Variants in PLXNA1 observed in about 807,000 individuals in gnomAD.
The protein encoded by PLXNA1 is plexin-A1.
A neutral mutation model predicts 191.7 loss-of-function variants in PLXNA1; 77 were observed. The observed-to-expected ratio is 0.40, with a 90% CI of 0.33 to 0.49. PLXNA1 has a LOEUF of 0.49. PLXNA1 is among the 20% of genes least tolerant of loss of function. The pLI is 0.63. For missense variants in PLXNA1, 2,110 were observed against 2,660.2 expected, an observed-to-expected ratio of 0.79 and a Z score of 4.55; for synonymous variants, 1,137 against 1,156.4, an observed-to-expected ratio of 0.98 and a Z score of 0.34.
chr3:126,989,852 G>A, intron 2 of PLXNA1, 65 bp downstream of exon 2: 2 of 1,352,520 alleles, frequency 1.5e-6, no homozygotes, highest in South Asian at 1.3e-5. Flanking sequence ...CGGCATCGGT[G>A]TCAGATGCAC....
At chr3:127,006,311 T>C (rs535430793) in intron 8 of PLXNA1, 133 bp downstream of exon 8, 51 of 721,456 alleles carry the variant, frequency 7.1e-5, no homozygotes, top group South Asian at 1.3e-4. Context: ...GATTCCATGA[T>C]TGGGGCTCCT....
chr3:127,009,846 AG>A (rs1056436759), intron 9 of PLXNA1, among the ~76,000 whole-genome samples: 5 of 152,200 alleles, frequency 3.3e-5, no homozygotes, highest in Admixed American at 6.5e-5. Context: ...GCTGTGTGCC[AG>A]GGCCTAAGGG....
intron 21 of PLXNA1, 110 bp from the exon 22 acceptor site, chr3:127,021,975 C>T: frequency 6.8e-7 from 1 of 1,474,092 alleles, no homozygotes; most frequent in Non-Finnish European, 9.1e-7. Flanking sequence ...CAGGCCTGTC[C>T]TCTGATGGGG....
At chr3:127,030,497 G>A (rs559886783) in intron 29 of PLXNA1, 85 bp downstream of exon 29, 1 of 1,518,958 alleles carries the variant, frequency 6.6e-7, no homozygotes, top group South Asian at 1.2e-5. Context: ...CTGATCCGGA[G>A]CCCCCACTTG....
At position 127,014,648 on chromosome 3, in the gene PLXNA1, G is replaced by A. The variant is rs780579284; in HGVS notation, c.2756+19G>A. 1.2e-6 allele frequency: 2 copies of A among 1,612,382 alleles called. No homozygotes were observed. The highest frequency in any genetic ancestry group is 1.3e-5 in the African/African-American group (1 of 74,924). On this transcript the variant is annotated intron_variant, in intron 13 of 31. Coordinates refer to ENST00000393409, the MANE Select transcript of PLXNA1 (RefSeq NM_032242.4). ...CGGAGCAGTGAGTGCAGCCCTGGGT[G>A]TGTGCGGGGCGGGACGGGACGGGGC...
chr3:127,018,214 T>G lies in PLXNA1; in HGVS notation c.3661-80T>G, dbSNP rs1576685133. ...CTTTCCCACAGGCAGGTGTTGGGGG[T>G]GGGTCTTGCCCATCGGGAGGGGCTC... On this transcript the variant is annotated intron_variant, in intron 19 of 31. Transcript: ENST00000393409. 4.8e-6 allele frequency: 6 copies of G among 1,245,936 alleles called. No homozygotes were observed. The East Asian group carries it at 1.5e-4, about 32-fold the overall frequency. 77.2% of individuals were successfully genotyped at this position (1,245,936 alleles called of 1,614,324 possible). A position where few individuals can be genotyped will look rare whatever the true frequency, so the allele number is the denominator to read the frequency against.
chr3:127,016,451 C>T, intron 15 of PLXNA1, 66 bp from the exon 16 acceptor site: 1 of 1,441,952 alleles, frequency 6.9e-7, no homozygotes, highest in Non-Finnish European at 9.7e-7. Context: ...TCCCTCAATG[C>T]ATCTGCATTC....
At chr3:126,994,178 C>T (rs2079004362) in intron 3 of PLXNA1, among the ~76,000 whole-genome samples, 1 of 152,140 alleles carries the variant, frequency 6.6e-6, no homozygotes. Flanking sequence ...GCTCTTCCCT[C>T]CCTTTCTGCG....
chr3:127,026,967 G>C (rs933258448), intron 23 of PLXNA1: 1 of 154,152 alleles, frequency 6.5e-6, no homozygotes, highest in Non-Finnish European at 1.4e-5. Context: ...CCATGCACAG[G>C]CTCAGCCAGT....
Position 127,017,581 on chromosome 3 carries a change from C to G in PLXNA1, c.3433C>G (p.Leu1145Val), listed in dbSNP as rs2079130638. 2 of 1,613,766 alleles carry G rather than the reference C, an allele frequency of 1.2e-6. No individual in the cohort carries two copies. The highest frequency in any genetic ancestry group is 1.7e-6 in the Non-Finnish European group (2 of 1,180,026). The change falls in exon 18 of 32, where the codon CTC becomes GTC. Residue 1145 changes from leucine to valine, a missense_variant. Transcript: ENST00000393409. The stretch of plus-strand genomic sequence containing the variant: ...GCTTGTGCTCAACTCCACCTCCTTC[C>G]TCTACTACCCTGACCCCGTACTGGA... ...SLLVLNSTSFLYYPDPVLEPL... is the reference protein window; with the variant it reads ...SLLVLNSTSFVYYPDPVLEPL...
chr3:126,994,032 T>C (rs2079003739), intron 3 of PLXNA1, among the ~76,000 whole-genome samples: 1 of 152,164 alleles, frequency 6.6e-6, no homozygotes, highest in South Asian at 2.1e-4. Flanking sequence ...CATGCGGACC[T>C]GGCATGCTCG....
chr3:127,009,984 C>T (rs1158165835), intron 9 of PLXNA1, among the ~76,000 whole-genome samples: 2 of 152,238 alleles, frequency 1.3e-5, no homozygotes, highest in African/African-American at 4.8e-5. Context: ...CTTCACATAA[C>T]AGTTGCATGC....
At chr3:126,984,218 G>A (rs1315831375) in intron 1 of PLXNA1, among the ~76,000 whole-genome samples, 2 of 152,144 alleles carry the variant, frequency 1.3e-5, no homozygotes, top group Non-Finnish European at 2.9e-5. Context: ...GAGGGGCTCC[G>A]AGGGGCGGCC....
rs2079055850 is a variant in PLXNA1 at position 127,004,512 on chromosome 3, TC to T, written c.1519-95del. The T allele has an allele frequency of 9.5e-6, 8 of 841,200 alleles. No individual in the cohort carries two copies. The Admixed American group carries it at 1.0e-4, about 11-fold the overall frequency. 52.1% of individuals were successfully genotyped at this position (841,200 alleles called of 1,614,324 possible). A position where few individuals can be genotyped will look rare whatever the true frequency, so the allele number is the denominator to read the frequency against. On this transcript the variant is annotated intron_variant, in intron 4 of 31. Coordinates refer to ENST00000393409, the MANE Select transcript of PLXNA1 (RefSeq NM_032242.4). Reference sequence around the variant, plus strand: ...ATAGACTGAGAACAAGTGCAGGGCCTCCCCGGGCCTAAGGAGAGCAGAGTAG... The same window carrying T: ...ATAGACTGAGAACAAGTGCAGGGCCTCCCGGGCCTAAGGAGAGCAGAGTAG...
At chr3:126,987,922 G>A (rs1407321308) in intron 1 of PLXNA1, among the ~76,000 whole-genome samples, 1 of 152,154 alleles carries the variant, frequency 6.6e-6, no homozygotes, top group Non-Finnish European at 1.5e-5. Flanking sequence ...ACTGCTGCCT[G>A]TGTGGCCTGG....
At chr3:127,018,657 T>G (rs968413208) in intron 20 of PLXNA1, 129 bp downstream of exon 20, 40 of 761,778 alleles carry the variant, frequency 5.3e-5, no homozygotes, top group Middle Eastern at 6.5e-4. Flanking sequence ...CTGATAGCCT[T>G]GCTGTGCCAG....
chr3:127,012,021 A>G lies in PLXNA1; in HGVS notation c.2176A>G (p.Thr726Ala), dbSNP rs758132605. ...YVPVGVVKPI[T>A]LAARNLPQPQ... is the part of the protein sequence containing the mutation. Reference sequence around the variant, plus strand: ...GCCAGTGGGAGTGGTAAAACCCATCACCCTGGCCGCACGGAACCTGCCACA... The same window carrying G: ...GCCAGTGGGAGTGGTAAAACCCATCGCCCTGGCCGCACGGAACCTGCCACA... The change falls in exon 10 of 32, where the codon ACC becomes GCC. Residue 726 changes from threonine (T) to alanine (A), a missense_variant. By Grantham distance (58) the Thr-to-Ala change is moderately conservative (BLOSUM62 0). Coordinates refer to ENST00000393409, the MANE Select transcript of PLXNA1 (RefSeq NM_032242.4). 6.2e-7 allele frequency: 1 copy of G among 1,608,826 alleles called. No homozygotes were observed. The highest frequency in any genetic ancestry group is 1.7e-5 in the Admixed American group (1 of 59,346).
chr3:127,029,783 G>C, intron 27 of PLXNA1, 91 bp from the exon 28 acceptor site: 1 of 1,391,310 alleles, frequency 7.2e-7, no homozygotes, highest in South Asian at 1.4e-5. Flanking sequence ...ATGGGTGGGG[G>C]TGCCATCCCC....
chr3:127,026,089 T>C (rs1465141454), intron 23 of PLXNA1, among the ~76,000 whole-genome samples: 1 of 152,250 alleles, frequency 6.6e-6, no homozygotes, highest in Non-Finnish European at 1.5e-5. Flanking sequence ...TGCACATTCC[T>C]GAGTGGGGCT....
Sources: gnomAD v4.1 joint callset for allele counts (sites outside exome capture counted in the v4.1 genomes callset) on GRCh38, gnomAD v4.1.1 for gene constraint, MANE v1.5 for transcripts, NCBI Gene and HGNC (gene_info 2026-07-23, HGNC 2026-07-21) for gene names.